GRM3: variants seen among roughly 807,000 people sequenced by gnomAD.
GRM3 encodes the protein metabotropic glutamate receptor 3.
GRM3 carries 26 observed loss-of-function variants against 70.5 expected under a neutral mutation model. The observed-to-expected ratio is 0.37, with a 90% CI of 0.27 to 0.51. GRM3 has a LOEUF of 0.51. Among genes scored for constraint, GRM3 ranks in the 20% least tolerant of loss-of-function variants. The probability of loss-of-function intolerance (pLI) is 0.93; values close to 1 mark genes in which losing one functional copy is unlikely to be tolerated. For synonymous variants in GRM3, 443 were observed against 434.9 expected, an observed-to-expected ratio of 1.02 and a Z score of -0.23; for missense variants, 859 against 1,123.8, an observed-to-expected ratio of 0.76 and a Z score of 3.37.
chr7:86,741,589 C>T (rs563438257), intron 1 of GRM3, among the ~76,000 whole-genome samples: 5 of 152,150 alleles, frequency 3.3e-5, no homozygotes, highest in Non-Finnish European at 5.9e-5. Context: ...CACTAATTTG[C>T]TACCCAAAAC....
At chr7:86,853,668 CT>C (rs1420705197) in intron 5 of GRM3, among the ~76,000 whole-genome samples, 2 of 152,332 alleles carry the variant, frequency 1.3e-5, no homozygotes, top group African/African-American at 4.8e-5. Context: ...ACAAAACCCA[CT>C]GTAGAGATGA....
chr7:86,788,211 T>C lies in GRM3; in HGVS notation c.1324+1095T>C, dbSNP rs1797317472. On this transcript the variant is annotated intron_variant, in intron 3 of 5. Transcript: ENST00000361669. Reference sequence around the variant, plus strand: ...TTTATATGCTCAGATCATACTACCATTGGCGCAAATGGCAGTTCTCACATC... The same window carrying C: ...TTTATATGCTCAGATCATACTACCACTGGCGCAAATGGCAGTTCTCACATC... Among the ~76,000 whole-genome samples the C allele has an allele frequency of 2.0e-5, 3 of 152,198 alleles. No homozygotes were observed. In the South Asian group the frequency reaches 6.2e-4, roughly 32 times the overall value.
At chr7:86,837,569 A>G (rs1406646844) in intron 3 of GRM3, among the ~76,000 whole-genome samples, 1 of 152,170 alleles carries the variant, frequency 6.6e-6, no homozygotes, top group Admixed American at 6.5e-5. Context: ...ATTTCTAATC[A>G]ATGAAGTATG....
At chr7:86,852,665 A>C (rs1264908761) in intron 5 of GRM3, among the ~76,000 whole-genome samples, 1 of 152,186 alleles carries the variant, frequency 6.6e-6, no homozygotes. Flanking sequence ...TAATCAATAC[A>C]AATCAATGAA....
chr7:86,808,739 G>T (rs1277130514), intron 3 of GRM3, among the ~76,000 whole-genome samples: 1 of 152,022 alleles, frequency 6.6e-6, no homozygotes, highest in African/African-American at 2.4e-5. Context: ...ACCTGAAGAG[G>T]TGAGGGAGCA....
At chr7:86,841,241 G>A (rs779238177) in intron 4 of GRM3, among the ~76,000 whole-genome samples, 30 of 152,226 alleles carry the variant, frequency 2.0e-4, no homozygotes, top group Middle Eastern at 3.4e-3. Context: ...GTATCTATTC[G>A]CTGTAAATTA....
intron 1 of GRM3, chr7:86,710,226 AT>A (rs1257131907): frequency 1.3e-5 from 2 of 151,954 alleles, no homozygotes; most frequent in African/African-American, 4.8e-5. Context: ...TAGTCCACTT[AT>A]TTCTTTTCTA....
intron 3 of GRM3, among the ~76,000 whole-genome samples, chr7:86,813,186 CT>C (rs915633202): frequency 6.6e-4 from 100 of 151,848 alleles, no homozygotes; most frequent in African/African-American, 2.4e-3. Context: ...GCGCAAAATT[CT>C]CCCTGTAAAG....
intron 1 of GRM3, among the ~76,000 whole-genome samples, chr7:86,762,950 C>G (rs760571708): frequency 1.3e-5 from 2 of 152,028 alleles, no homozygotes; most frequent in Non-Finnish European, 2.9e-5. Context: ...GACTTTAGAG[C>G]TAGCCAGGGA....
At chr7:86,722,567 A>G (rs1795493679) in intron 1 of GRM3, among the ~76,000 whole-genome samples, 2 of 124,722 alleles carry the variant, frequency 1.6e-5, no homozygotes, top group Non-Finnish European at 3.2e-5. Flanking sequence ...ACACATGGAC[A>G]TGGAAGGCAG....
At chr7:86,790,456 C>A (rs956942656) in intron 3 of GRM3, among the ~76,000 whole-genome samples, 3 of 152,188 alleles carry the variant, frequency 2.0e-5, no homozygotes, top group Non-Finnish European at 4.4e-5. Context: ...TTCTTACCTA[C>A]TTCAACCTAG....
chr7:86,709,952 T>A (rs1795154466), intron 1 of GRM3: 1 of 152,080 alleles, frequency 6.6e-6, no homozygotes, highest in African/African-American at 2.4e-5. Context: ...AGTTAAGCAA[T>A]GGGAATAACC....
At chr7:86,684,071 A>T (rs1162642555) in intron 1 of GRM3, among the ~76,000 whole-genome samples, 1 of 151,638 alleles carries the variant, frequency 6.6e-6, no homozygotes, top group African/African-American at 2.4e-5. Context: ...TTATCCCTTT[A>T]CAAGATTGTA....
intron 1 of GRM3, among the ~76,000 whole-genome samples, chr7:86,677,280 A>G (rs987108543): frequency 6.6e-6 from 1 of 152,010 alleles, no homozygotes; most frequent in Non-Finnish European, 1.5e-5. Flanking sequence ...TTTTAAAAAA[A>G]TGTCTGTTAT....
chr7:86,774,743 G>A (rs1221768669), intron 2 of GRM3, among the ~76,000 whole-genome samples: 1 of 152,006 alleles, frequency 6.6e-6, no homozygotes, highest in African/African-American at 2.4e-5. Flanking sequence ...TCCAATTTCG[G>A]TAGATACCAT....
chr7:86,732,327 C>T lies in GRM3; in HGVS notation c.-140-32679C>T, dbSNP rs183372715. 1.4e-4 allele frequency among the ~76,000 whole-genome samples: 21 copies of T among 152,206 alleles called. No individual in the cohort carries two copies. In the South Asian group the frequency reaches 1.7e-3, roughly 12 times the overall value. ...ATATCTAAGGCCTGTATTATCAGGA[C>T]TCAAGCACATACAAGTAAGAGGCAG... On this transcript the variant is annotated intron_variant, in intron 1 of 5. Transcript: ENST00000361669.
chr7:86,658,016 A>G (rs1292424276), intron 1 of GRM3, among the ~76,000 whole-genome samples: 3 of 152,212 alleles, frequency 2.0e-5, no homozygotes, highest in Admixed American at 6.5e-5. Context: ...TAACAATCAA[A>G]ATTCTAACTC....
Position 86,854,568 on chromosome 7 carries a change from C to T in GRM3, c.2566+4024C>T, listed in dbSNP as rs145670656. Among the ~76,000 whole-genome samples the T allele has an allele frequency of 6.8e-4, 104 of 152,138 alleles. 1 individual carries two copies. The highest frequency in any genetic ancestry group is 2.3e-3 in the African/African-American group (94 of 41,494). ...CCTTAATTTTTCTCCATTAAGAATACCCATGGATCAATGATTCCCAGATAT... is the reference window on the plus strand; with the variant it reads ...CCTTAATTTTTCTCCATTAAGAATATCCATGGATCAATGATTCCCAGATAT... On this transcript the variant is annotated intron_variant, in intron 5 of 5. Coordinates refer to ENST00000361669, the MANE Select transcript of GRM3 (RefSeq NM_000840.3).
intron 1 of GRM3, among the ~76,000 whole-genome samples, chr7:86,732,714 G>A (rs372102333): frequency 1.3e-5 from 2 of 152,130 alleles, no homozygotes; most frequent in Non-Finnish European, 2.9e-5. Flanking sequence ...ATGGTCATAG[G>A]GGTAGCAAAT....
Sources: allele counts gnomAD v4.1 joint callset (sites outside exome capture counted in the v4.1 genomes callset), GRCh38; gene constraint gnomAD v4.1.1; transcripts MANE v1.5; gene names NCBI Gene and HGNC (gene_info 2026-07-23, HGNC 2026-07-21).